Variants in VRTN observed in about 807,000 individuals in gnomAD.
VRTN encodes vertebrae development associated, also known as vertnin.
A neutral mutation model predicts 18.2 loss-of-function variants in VRTN; 5 were observed. That is an observed-to-expected ratio of 0.27 (90% CI 0.14 to 0.58). The LOEUF is 0.58. Ranked by LOEUF, VRTN falls within the 20% of genes least tolerant of loss-of-function variation. The pLI is 0.91. For synonymous variants in VRTN, 381 were observed against 393.7 expected (o/e 0.97, Z 0.38); for missense variants, 741 against 939.4 (o/e 0.79, Z 2.76).
upstream of VRTN, among the ~76,000 whole-genome samples, chr14:74,347,258 C>T (rs1463359614): frequency 6.6e-6 from 1 of 152,164 alleles, no homozygotes; most frequent in East Asian, 1.9e-4. Context: ...TAGTAAGGGG[C>T]AGGATTGGCA....
chr14:74,340,461 G>T (rs60192497), intron 2 of VRTN, among the ~76,000 whole-genome samples: 1 of 151,464 alleles, frequency 6.6e-6, no homozygotes, highest in East Asian at 1.9e-4. Flanking sequence ...GGTCAGGCTG[G>T]TCTTGAACTC....
chr14:74,313,190 C>T (rs911983223), intron 1 of VRTN, among the ~76,000 whole-genome samples: 1 of 152,164 alleles, frequency 6.6e-6, no homozygotes, highest in East Asian at 1.9e-4. Context: ...GTTTCCCTTG[C>T]TAGCCAAGGA....
At chr14:74,329,175 T>C (rs1393994270) in intron 1 of VRTN, among the ~76,000 whole-genome samples, 1 of 151,560 alleles carries the variant, frequency 6.6e-6, no homozygotes, top group Admixed American at 6.6e-5. Context: ...CTCAGGAGGC[T>C]GAGGCAGGAG....
intron 1 of VRTN, among the ~76,000 whole-genome samples, chr14:74,304,126 C>T (rs2085253501): frequency 6.6e-6 from 1 of 151,852 alleles, no homozygotes; most frequent in South Asian, 2.1e-4. Context: ...GTTGGGATTA[C>T]AAGAGTGAGC....
At position 74,312,732 on chromosome 14, in the gene VRTN, C is replaced by T. The variant is rs199948949; in HGVS notation, c.-164+9556C>T. Among the ~76,000 whole-genome samples the T allele has an allele frequency of 2.6e-4, 39 of 150,198 alleles. No homozygotes were observed. The East Asian group carries it at 6.5e-3, about 25-fold the overall frequency. On this transcript the variant is annotated intron_variant, in intron 1 of 2. Coordinates refer to the VRTN transcript ENST00000557177. ...TCCCTAAGCGCTGGGGTTACAAGCA[C>T]GCACCACCGCACCTGGCCTGTGTTT...
chr14:74,330,387 C>G (rs1361652294), intron 1 of VRTN, among the ~76,000 whole-genome samples: 2 of 151,810 alleles, frequency 1.3e-5, no homozygotes, highest in Non-Finnish European at 2.9e-5. Flanking sequence ...TGAATTACTA[C>G]TAGACTTATG....
Position 74,322,163 on chromosome 14 carries a change from T to A in VRTN, c.-163-15560T>A, listed in dbSNP as rs181059400. ...GCCCGGCTCCCCATATTTTTTTTTT[T>A]TTGAGACAGGGTCTCACTCTGTTGC... On this transcript the variant is annotated intron_variant, in intron 1 of 2. Coordinates refer to the VRTN transcript ENST00000557177. Among the ~76,000 whole-genome samples, 275 of 151,948 alleles carry A rather than the reference T, an allele frequency of 1.8e-3. 8 individuals carry two copies. In the East Asian group the frequency reaches 0.045, roughly 25 times the overall value.
intron 1 of VRTN, among the ~76,000 whole-genome samples, chr14:74,319,614 T>G (rs1051763213): frequency 9.2e-5 from 14 of 152,134 alleles, no homozygotes; most frequent in Non-Finnish European, 1.2e-4. Flanking sequence ...AAGAGTTTGT[T>G]TATGGACAGG....
At chr14:74,339,590 G>A (rs1184944572) in intron 2 of VRTN, among the ~76,000 whole-genome samples, 1 of 152,086 alleles carries the variant, frequency 6.6e-6, no homozygotes, top group Admixed American at 6.6e-5. Context: ...GCAGTGGGAG[G>A]ATCACTTGAG....
intron 1 of VRTN, among the ~76,000 whole-genome samples, chr14:74,332,416 G>A (rs1474544716): frequency 2.2e-5 from 3 of 135,764 alleles, no homozygotes; most frequent in Middle Eastern, 4.6e-3. Flanking sequence ...TGGAAGTGGC[G>A]CGATCTCGGC....
upstream of VRTN, among the ~76,000 whole-genome samples, chr14:74,344,818 A>T (rs928345024): frequency 2.0e-5 from 3 of 151,694 alleles, no homozygotes; most frequent in Non-Finnish European, 2.9e-5. Flanking sequence ...GTGGCTCTGG[A>T]TAAAAAAATG....
At chr14:74,304,178 C>T (rs533139067) in intron 1 of VRTN, among the ~76,000 whole-genome samples, 5 of 151,580 alleles carry the variant, frequency 3.3e-5, no homozygotes, top group Non-Finnish European at 5.9e-5. Flanking sequence ...TTGTTTTAGA[C>T]GGAGTTTCGC....
chr14:74,331,126 C>T (rs1368691854), intron 1 of VRTN, among the ~76,000 whole-genome samples: 1 of 151,696 alleles, frequency 6.6e-6, no homozygotes, highest in Non-Finnish European at 1.5e-5. Flanking sequence ...GGCGTGAACC[C>T]GGGAGGCGGA....
intron 1 of VRTN, among the ~76,000 whole-genome samples, chr14:74,337,280 T>C (rs1055102794): frequency 2.6e-4 from 39 of 151,696 alleles, no homozygotes; most frequent in African/African-American, 8.5e-4. Context: ...GAGGCGGAGG[T>C]TGCAGTGAGC....
intron 1 of VRTN, 82 bp from the exon 2 acceptor site, chr14:74,356,701 C>T (rs2085729504): frequency 1.4e-6 from 2 of 1,478,440 alleles, no homozygotes; most frequent in South Asian, 1.4e-5. Flanking sequence ...GGAGAAAGTG[C>T]AGGAGTGGAC....
At chr14:74,340,139 T>G (rs1595171099) in intron 2 of VRTN, among the ~76,000 whole-genome samples, 1 of 135,236 alleles carries the variant, frequency 7.4e-6, no homozygotes, top group African/African-American at 2.9e-5. Flanking sequence ...TGAGACGGAG[T>G]TTTGCTCTTG....
chr14:74,311,482 G>C (rs140438368), intron 1 of VRTN, among the ~76,000 whole-genome samples: 2 of 150,268 alleles, frequency 1.3e-5, no homozygotes, highest in African/African-American at 4.9e-5. Flanking sequence ...GTGCAGTGGC[G>C]TGATCTTGGC....
At chr14:74,303,049 C>A, upstream of VRTN, 1 of 901,974 alleles carries the variant, frequency 1.1e-6, no homozygotes, top group Non-Finnish European at 1.6e-6. Context: ...CGGACTCTCC[C>A]GGAAGCGACC....
intron 1 of VRTN, among the ~76,000 whole-genome samples, chr14:74,316,358 A>G (rs1269596547): frequency 2.0e-5 from 3 of 152,108 alleles, no homozygotes; most frequent in South Asian, 2.1e-4. Flanking sequence ...TCTACTAAAA[A>G]TATAAAAATT....
Sources: allele counts gnomAD v4.1 joint callset (sites outside exome capture counted in the v4.1 genomes callset), GRCh38; gene constraint gnomAD v4.1.1; transcripts MANE v1.5; gene names NCBI Gene and HGNC (gene_info 2026-07-23, HGNC 2026-07-21).